The following PCDHA10 variants were observed in gnomAD, a reference collection of about 807,000 sequenced individuals.
PCDHA10 encodes protocadherin alpha-10.
In PCDHA10, 45 loss-of-function variants were observed where a neutral mutation model predicts 61.2. That is an observed-to-expected ratio of 0.74 (90% CI 0.58 to 0.94). The LOEUF (loss-of-function observed/expected upper bound fraction) is 0.94. Among genes scored for constraint, PCDHA10 ranks in the 40% least tolerant of loss-of-function variants. The pLI, the probability that PCDHA10 is intolerant of heterozygous loss-of-function variation, is 0.00. For synonymous variants in PCDHA10, 602 were observed against 548.8 expected (o/e 1.10, Z -1.35); for missense variants, 1,278 against 1,236.2 (o/e 1.03, Z -0.51).
At chr5:140,878,832 G>A (rs1416879653) in intron 1 of PCDHA10, among the ~76,000 whole-genome samples, 1 of 152,138 alleles carries the variant, frequency 6.6e-6, no homozygotes, top group African/African-American at 2.4e-5. Flanking sequence ...TGCACAGGCT[G>A]GACTAGAACT....
chr5:140,941,597 G>T (rs2093124922), intron 1 of PCDHA10, among the ~76,000 whole-genome samples: 1 of 152,032 alleles, frequency 6.6e-6, no homozygotes, highest in Middle Eastern at 3.4e-3. Context: ...TTACAGCCAT[G>T]AGCCATGGTG....
At chr5:140,876,968 T>C (rs782613091) in intron 1 of PCDHA10, 1 of 1,608,986 alleles carries the variant, frequency 6.2e-7, no homozygotes, top group Non-Finnish European at 8.5e-7. Context: ...GAGCGGCGGG[T>C]GGGCGAGCAC....
At chr5:140,932,287 T>C (rs1259585245) in intron 1 of PCDHA10, among the ~76,000 whole-genome samples, 2 of 151,896 alleles carry the variant, frequency 1.3e-5, no homozygotes, top group Admixed American at 6.6e-5. Context: ...AAAAACTGCA[T>C]TGACAATTTT....
At chr5:140,977,104 A>C (rs2096746104) in intron 1 of PCDHA10, among the ~76,000 whole-genome samples, 1 of 152,242 alleles carries the variant, frequency 6.6e-6, no homozygotes, top group Admixed American at 6.5e-5. Flanking sequence ...TGGGGAAGTG[A>C]GATTGTATAA....
chr5:140,969,385 C>T, intron 1 of PCDHA10: 1 of 1,598,120 alleles, frequency 6.3e-7, no homozygotes, highest in Non-Finnish European at 8.5e-7. Flanking sequence ...TTACACATCC[C>T]CCAATATCCT....
chr5:140,948,839 G>A (rs2094310723), intron 1 of PCDHA10, among the ~76,000 whole-genome samples: 1 of 151,152 alleles, frequency 6.6e-6, no homozygotes, highest in African/African-American at 2.4e-5. Flanking sequence ...GCTTTTGTCT[G>A]TATTATTTGC....
chr5:140,927,306 G>T (rs782091835), intron 1 of PCDHA10: 10 of 1,614,040 alleles, frequency 6.2e-6, no homozygotes, highest in Non-Finnish European at 5.9e-6. Context: ...AGTTCCTGAC[G>T]CCCGGAGCCC....
intron 1 of PCDHA10, among the ~76,000 whole-genome samples, chr5:140,888,739 GA>G (rs782625301): frequency 6.6e-6 from 1 of 151,978 alleles, no homozygotes; most frequent in Non-Finnish European, 1.5e-5. Flanking sequence ...TGAGCTCTAG[GA>G]ATTATTCTAC....
intron 1 of PCDHA10, chr5:140,968,830 C>G: frequency 6.2e-7 from 1 of 1,614,198 alleles, no homozygotes; most frequent in Non-Finnish European, 8.5e-7. Context: ...CCAAAATCCT[C>G]CCTGACACTC....
chr5:140,868,981 G>T, intron 1 of PCDHA10: 1 of 1,492,270 alleles, frequency 6.7e-7, no homozygotes, highest in Non-Finnish European at 9.0e-7. Context: ...CATCATACCG[G>T]ATGCCACCGT....
intron 1 of PCDHA10, among the ~76,000 whole-genome samples, chr5:140,902,390 A>G (rs1051277099): frequency 2.6e-5 from 4 of 151,960 alleles, no homozygotes; most frequent in Admixed American, 1.3e-4. Flanking sequence ...TAAGAGTACT[A>G]TGTTGAATAC....
intron 1 of PCDHA10, chr5:140,967,776 C>T: frequency 1.2e-6 from 2 of 1,614,148 alleles, no homozygotes; most frequent in East Asian, 2.2e-5. Flanking sequence ...TATGTGCAGG[C>T]GACTGACCGG....
intron 1 of PCDHA10, among the ~76,000 whole-genome samples, chr5:140,924,252 G>C (rs1306870811): frequency 1.3e-5 from 2 of 152,214 alleles, no homozygotes; most frequent in African/African-American, 4.8e-5. Flanking sequence ...ATCCTGGTGA[G>C]ATCTAATGAG....
Position 140,855,986 on chromosome 5 carries a change from G to C in PCDHA10, c.-63G>C, listed in dbSNP as rs191873949. The C allele has an allele frequency of 2.7e-6, 4 of 1,477,690 alleles. No individual in the cohort carries two copies. Among genetic ancestry groups the C allele is most frequent in the Middle Eastern group, 1.8e-4 (1 of 5,530 alleles). 91.5% of individuals were successfully genotyped at this position (1,477,690 alleles called of 1,614,324 possible). A position where few individuals can be genotyped will look rare whatever the true frequency, so the allele number is the denominator to read the frequency against. ...AGATATAAGAAATAGGACAGAAAATGTCAGATCGTATGTGCGTTCTAGACC... is the reference window on the plus strand; with the variant it reads ...AGATATAAGAAATAGGACAGAAAATCTCAGATCGTATGTGCGTTCTAGACC... On this transcript the variant is annotated 5_prime_UTR_variant, in exon 1 of 4. The change abolishes an upstream ATG in the 5' untranslated region. Transcript: ENST00000307360.
At chr5:140,924,507 C>T (rs2081871616) in intron 1 of PCDHA10, among the ~76,000 whole-genome samples, 1 of 152,168 alleles carries the variant, frequency 6.6e-6, no homozygotes, top group African/African-American at 2.4e-5. Context: ...CAATCCCACT[C>T]TTAGTGTTAA....
At chr5:140,863,467 G>C (rs2048034330) in intron 1 of PCDHA10, 2 of 502,402 alleles carry the variant, frequency 4.0e-6, no homozygotes, top group Non-Finnish European at 7.8e-6. Context: ...TTTTACTCTG[G>C]AGAGTCGCCT....
chr5:140,870,987 C>T (rs782771467), intron 1 of PCDHA10: 51 of 1,613,334 alleles, frequency 3.2e-5, no homozygotes, highest in Non-Finnish European at 4.1e-5. Context: ...TGTACACGGG[C>T]GAGATAAGCA....
chr5:140,995,324 G>A (rs1290299693), intron 3 of PCDHA10, among the ~76,000 whole-genome samples: 1 of 152,190 alleles, frequency 6.6e-6, no homozygotes, highest in African/African-American at 2.4e-5. Context: ...GAACTAACAG[G>A]TGAGTAGTGT....
rs782691695 is a variant in PCDHA10, at chr5:140,863,160, G to C, written c.2388+4724G>C. The C allele has an allele frequency of 6.2e-6, 4 of 647,644 alleles. No individual in the cohort carries two copies. The Admixed American group carries it at 7.5e-5, about 12-fold the overall frequency. 40.1% of individuals were successfully genotyped at this position (647,644 alleles called of 1,614,324 possible). A position where few individuals can be genotyped will look rare whatever the true frequency, so the allele number is the denominator to read the frequency against. ...TGGTGCTGGTGAAGGACCACTGCGA[G>C]CTGGCGCTGACTGCCACCGTCACCG... On this transcript the variant is annotated intron_variant, in intron 1 of 3. Transcript: ENST00000307360.
Sources: gnomAD v4.1 joint callset for allele counts (sites outside exome capture counted in the v4.1 genomes callset) on GRCh38, gnomAD v4.1.1 for gene constraint, MANE v1.5 for transcripts, NCBI Gene and HGNC (gene_info 2026-07-23, HGNC 2026-07-21) for gene names.